Variants in RTN3 observed in about 807,000 individuals in gnomAD.
RTN3 encodes reticulon-3.
Under a neutral mutation model 77.8 loss-of-function variants are expected in RTN3, and 49 were observed. The observed-to-expected ratio is 0.63, with a 90% CI of 0.50 to 0.80. The LOEUF (loss-of-function observed/expected upper bound fraction) is 0.80, where lower values mean the gene tolerates loss of function less well. RTN3 is among the 30% of genes least tolerant of loss of function. RTN3 has a pLI of 0.00. For synonymous variants in RTN3, 464 were observed against 446.9 expected (o/e 1.04, Z -0.48); for missense variants, 1,236 against 1,211.9 (o/e 1.02, Z -0.29).
At chr11:63,712,746 A>C (rs1278396791) in intron 2 of RTN3, among the ~76,000 whole-genome samples, 2 of 152,030 alleles carry the variant, frequency 1.3e-5, no homozygotes, top group Non-Finnish European at 2.9e-5. Context: ...TCGGCCCCCA[A>C]AGTGCTGGGA....
At chr11:63,752,089 T>TA (rs888880799) in intron 4 of RTN3, among the ~76,000 whole-genome samples, 1 of 150,536 alleles carries the variant, frequency 6.6e-6, no homozygotes, top group Non-Finnish European at 1.5e-5. Context: ...ATGTTTTTTT[T>TA]AAAAAACAAA....
chr11:63,688,789 T>C (rs765952073), intron 1 of RTN3, among the ~76,000 whole-genome samples: 18 of 152,202 alleles, frequency 1.2e-4, no homozygotes, highest in African/African-American at 2.7e-4. Context: ...TATCCTGATA[T>C]AGGAGTTACC....
At chr11:63,739,617 TTG>T (rs1249492138) in intron 3 of RTN3, among the ~76,000 whole-genome samples, 1 of 152,184 alleles carries the variant, frequency 6.6e-6, no homozygotes, top group Non-Finnish European at 1.5e-5. Flanking sequence ...AAGCAATAAT[TTG>T]TCCATAGCTT....
intron 2 of RTN3, among the ~76,000 whole-genome samples, chr11:63,717,660 T>C (rs2011488990): frequency 6.6e-6 from 1 of 151,990 alleles, no homozygotes; most frequent in Non-Finnish European, 1.5e-5. Context: ...TAACTCTGTC[T>C]TAACCAAAGA....
chr11:63,736,309 TACA>T (rs1299146454), intron 3 of RTN3, among the ~76,000 whole-genome samples: 2 of 152,330 alleles, frequency 1.3e-5, no homozygotes, highest in East Asian at 3.9e-4. Flanking sequence ...GAGAATCTTA[TACA>T]GTCAGTCCTC....
chr11:63,713,017 C>A (rs1360203742), intron 2 of RTN3, among the ~76,000 whole-genome samples: 1 of 152,066 alleles, frequency 6.6e-6, no homozygotes, highest in Non-Finnish European at 1.5e-5. Context: ...ATCGCTTGAA[C>A]CCAGGAGGCA....
At chr11:63,739,243 G>T (rs1208656296) in intron 3 of RTN3, among the ~76,000 whole-genome samples, 1 of 151,840 alleles carries the variant, frequency 6.6e-6, no homozygotes. Context: ...AGAGAAAAAA[G>T]TAAGGTCCTT....
rs1394328408 is a variant in RTN3, at chr11:63,718,684, T to G, written c.200-18T>G. ...TGTACCTGGTAAACAATTTTTTTCT[T>G]TGAAATTCTGATCATAGAGGGATTG... On this transcript the variant is annotated intron_variant, in intron 2 of 8. Coordinates refer to ENST00000377819, the MANE Select transcript of RTN3 (RefSeq NM_001265589.2). The G allele has an allele frequency of 1.5e-5, 23 of 1,522,602 alleles. No individual in the cohort carries two copies. Among genetic ancestry groups the G allele is most frequent in the Non-Finnish European group, 1.9e-5 (22 of 1,140,324 alleles). The allele number at this position is 1,522,602 out of a possible 1,614,324, so 94.3% of individuals were successfully genotyped here. A position where few individuals can be genotyped will look rare whatever the true frequency, so the allele number is the denominator to read the frequency against.
chr11:63,718,283 T>TGAA (rs1185615586), intron 2 of RTN3, among the ~76,000 whole-genome samples: 1 of 152,212 alleles, frequency 6.6e-6, no homozygotes, highest in Non-Finnish European at 1.5e-5. Flanking sequence ...GCTTACAGAT[T>TGAA]GAAGTCTATC....
intron 1 of RTN3, chr11:63,698,746 CG>C (rs1038398978): frequency 1.8e-5 from 3 of 170,936 alleles, no homozygotes; most frequent in African/African-American, 7.2e-5. Context: ...CACCTGCTCC[CG>C]AGCTCCTACC....
intron 2 of RTN3, among the ~76,000 whole-genome samples, chr11:63,708,092 A>C (rs1942583736): frequency 6.6e-6 from 1 of 152,078 alleles, no homozygotes; most frequent in South Asian, 2.1e-4. Flanking sequence ...AGGGAAGAGG[A>C]AGCTGTTGAT....
intron 4 of RTN3, 163 bp downstream of exon 4, chr11:63,750,361 G>A (rs955430509): frequency 1.6e-6 from 1 of 627,096 alleles, no homozygotes; most frequent in East Asian, 2.8e-5. Context: ...ATCACCTTAA[G>A]AAGTGGCCAA....
intron 3 of RTN3, among the ~76,000 whole-genome samples, chr11:63,721,990 G>A (rs1401640002): frequency 1.3e-5 from 2 of 151,962 alleles, no homozygotes; most frequent in East Asian, 3.9e-4. Context: ...TTATTAGATG[G>A]TACCAGAAAC....
chr11:63,702,035 CTAAA>C (rs1256038797), intron 1 of RTN3, among the ~76,000 whole-genome samples: 6 of 152,112 alleles, frequency 3.9e-5, no homozygotes, highest in South Asian at 4.1e-4. Context: ...ATATTTGAAA[CTAAA>C]TAGTTTTCAT....
intron 3 of RTN3, among the ~76,000 whole-genome samples, chr11:63,748,661 CTTTTTTTT>C (rs561644667): frequency 9.4e-6 from 1 of 105,884 alleles, no homozygotes; most frequent in Non-Finnish European, 1.9e-5. Context: ...GCCCCACTCA[CTTTTTTTT>C]TTTTTTTTTT....
At chr11:63,736,620 G>A (rs889788956) in intron 3 of RTN3, among the ~76,000 whole-genome samples, 2 of 152,102 alleles carry the variant, frequency 1.3e-5, no homozygotes, top group African/African-American at 4.8e-5. Context: ...CCCGGGAGGC[G>A]GAGGTTGCAG....
intron 3 of RTN3, among the ~76,000 whole-genome samples, chr11:63,743,691 G>T (rs991282842): frequency 6.6e-6 from 1 of 152,154 alleles, no homozygotes; most frequent in African/African-American, 2.4e-5. Context: ...GAGGCGGGCG[G>T]ATCATCTGAG....
chr11:63,721,944 TTCTA>T (rs2011845255), intron 3 of RTN3, among the ~76,000 whole-genome samples: 1 of 152,158 alleles, frequency 6.6e-6, no homozygotes, highest in Non-Finnish European at 1.5e-5. Flanking sequence ...TTCTTCTACT[TTCTA>T]TCTTATTTAA....
intron 3 of RTN3, among the ~76,000 whole-genome samples, chr11:63,745,696 A>T (rs1323303594): frequency 6.6e-6 from 1 of 152,188 alleles, no homozygotes; most frequent in Non-Finnish European, 1.5e-5. Context: ...TACTGCACAC[A>T]TCTAGGGGCA....
Sources: gnomAD v4.1 joint callset for allele counts (sites outside exome capture counted in the v4.1 genomes callset) on GRCh38, gnomAD v4.1.1 for gene constraint, MANE v1.5 for transcripts, NCBI Gene and HGNC (gene_info 2026-07-23, HGNC 2026-07-21) for gene names.